RBFOX1: variants seen among roughly 807,000 people sequenced by gnomAD.
The protein encoded by RBFOX1 is RNA binding protein fox-1 homolog 1.
In RBFOX1, 8 loss-of-function variants were observed where a neutral mutation model predicts 57.7. The observed-to-expected ratio is 0.14, with a 90% CI of 0.08 to 0.25. The LOEUF is 0.25. Ranked by LOEUF, RBFOX1 falls within the 10% of genes least tolerant of loss-of-function variation. RBFOX1 has a pLI of 1.00. For missense variants in RBFOX1, 611 were observed against 548.5 expected (o/e 1.11, Z -1.14); for synonymous variants, 326 against 222.4 (o/e 1.47, Z -4.15).
chr16:6,709,699 A>G (rs1268014601), intron 3 of RBFOX1, among the ~76,000 whole-genome samples: 2 of 152,108 alleles, frequency 1.3e-5, no homozygotes, highest in East Asian at 1.9e-4. Context: ...TATTGTAATT[A>G]CAGTGTTGCG....
intron 3 of RBFOX1, among the ~76,000 whole-genome samples, chr16:7,031,494 G>A (rs1345084057): frequency 2.6e-5 from 4 of 151,988 alleles, no homozygotes; most frequent in Non-Finnish European, 5.9e-5. Context: ...TACTTGGGAG[G>A]CTGAGGCAGG....
rs2060121360 is a variant in RBFOX1 at position 5,978,888 on chromosome 16, C to G, written c.351+111553C>G. On this transcript the variant is annotated intron_variant, in intron 4 of 19. Coordinates refer to the RBFOX1 transcript ENST00000641259. Reference sequence around the variant, plus strand: ...CCCCAATACTGTTCATCACGGTGCCCACTTTGGTGGGCTGAGGGGGTGGCT... The same window carrying G: ...CCCCAATACTGTTCATCACGGTGCCGACTTTGGTGGGCTGAGGGGGTGGCT... 2.0e-5 allele frequency among the ~76,000 whole-genome samples: 3 copies of G among 152,256 alleles called. No homozygotes were observed. In the South Asian group the frequency reaches 6.2e-4, roughly 32 times the overall value.
chr16:7,343,930 G>T (rs1244039589), intron 4 of RBFOX1, among the ~76,000 whole-genome samples: 4 of 152,046 alleles, frequency 2.6e-5, no homozygotes, highest in Non-Finnish European at 5.9e-5. Context: ...CTCAATAAAT[G>T]TATTTACAAG....
chr16:5,379,537 G>A (rs1465870178), intron 1 of RBFOX1, among the ~76,000 whole-genome samples: 1 of 152,186 alleles, frequency 6.6e-6, no homozygotes, highest in African/African-American at 2.4e-5. Flanking sequence ...AGAAAGCACA[G>A]TAGCCTGGGA....
intron 4 of RBFOX1, among the ~76,000 whole-genome samples, chr16:7,250,239 A>G (rs1319299629): frequency 6.6e-6 from 1 of 152,200 alleles, no homozygotes; most frequent in Admixed American, 6.5e-5. Context: ...CTTAGTAGAC[A>G]TTTGTGGATT....
At chr16:6,654,443 A>G (rs533110618) in intron 2 of RBFOX1, among the ~76,000 whole-genome samples, 160 bp from the exon 3 acceptor site, 76 of 152,300 alleles carry the variant, frequency 5.0e-4, no homozygotes, top group South Asian at 1.5e-3. Context: ...ATGTACCTTT[A>G]AAAAGCACTA....
intron 3 of RBFOX1, among the ~76,000 whole-genome samples, chr16:6,898,668 C>G (rs542989871): frequency 6.6e-6 from 1 of 151,956 alleles, no homozygotes. Flanking sequence ...CTCTGAGTTT[C>G]TGTGTGTGTA....
upstream of RBFOX1, among the ~76,000 whole-genome samples, chr16:6,018,612 C>T (rs1454145744): frequency 6.6e-6 from 1 of 152,130 alleles, no homozygotes; most frequent in Non-Finnish European, 1.5e-5. Flanking sequence ...TCCCATCCAG[C>T]CTGGAGAACT....
intron 3 of RBFOX1, among the ~76,000 whole-genome samples, chr16:5,666,236 G>T (rs1366770339): frequency 1.3e-5 from 2 of 152,218 alleles, no homozygotes; most frequent in Non-Finnish European, 2.9e-5. Context: ...ATCTGGTCCA[G>T]TTCCCAGTGT....
At chr16:5,509,608 T>G (rs2043507625) in intron 2 of RBFOX1, among the ~76,000 whole-genome samples, 1 of 152,204 alleles carries the variant, frequency 6.6e-6, no homozygotes, top group Non-Finnish European at 1.5e-5. Flanking sequence ...GAGGGGCCCT[T>G]GCAAATTCTC....
intron 3 of RBFOX1, among the ~76,000 whole-genome samples, chr16:6,680,884 A>G (rs2058549458): frequency 6.6e-6 from 1 of 152,250 alleles, no homozygotes; most frequent in South Asian, 2.1e-4. Flanking sequence ...CATGGTGAGC[A>G]TAGAATTGAA....
chr16:6,914,013 G>A (rs530732283), intron 3 of RBFOX1, among the ~76,000 whole-genome samples: 5 of 152,280 alleles, frequency 3.3e-5, no homozygotes, highest in East Asian at 1.9e-4. Flanking sequence ...TCTACTTGAC[G>A]TAGCCAGAAA....
chr16:6,227,203 C>G (rs2097424746), intron 1 of RBFOX1, among the ~76,000 whole-genome samples: 1 of 152,112 alleles, frequency 6.6e-6, no homozygotes, highest in African/African-American at 2.4e-5. Context: ...TACCCTGGCC[C>G]TCCTCAGAGG....
intron 4 of RBFOX1, among the ~76,000 whole-genome samples, chr16:5,939,641 A>G (rs1410820384): frequency 1.3e-5 from 2 of 152,078 alleles, no homozygotes; most frequent in South Asian, 4.1e-4. Flanking sequence ...TCCATATTCT[A>G]TTTATTAGAG....
chr16:6,818,977 C>T (rs777214222), intron 3 of RBFOX1, among the ~76,000 whole-genome samples: 5 of 127,794 alleles, frequency 3.9e-5, no homozygotes, highest in Admixed American at 3.4e-4. Context: ...TTGAAAGGCA[C>T]CTGTCTGAGA....
intron 1 of RBFOX1, among the ~76,000 whole-genome samples, chr16:5,313,882 G>C (rs1235042213): frequency 2.0e-5 from 3 of 152,100 alleles, no homozygotes; most frequent in Non-Finnish European, 4.4e-5. Context: ...ACTTATGGGT[G>C]GGCTTTGGAG....
At chr16:6,907,161 C>G (rs1596811276) in intron 3 of RBFOX1, among the ~76,000 whole-genome samples, 1 of 152,292 alleles carries the variant, frequency 6.6e-6, no homozygotes, top group South Asian at 2.1e-4. Context: ...TGTTTTACAA[C>G]TTGGCAGGGG....
chr16:7,104,540 C>T (rs75008820), intron 4 of RBFOX1, among the ~76,000 whole-genome samples: 27,405 of 152,010 alleles, frequency 0.18, 2,806 homozygotes, highest in East Asian at 0.4. Context: ...CCTAAGATTA[C>T]GCAAATAATT....
chr16:6,825,710 G>A (rs1750901102), intron 3 of RBFOX1, among the ~76,000 whole-genome samples: 1 of 152,144 alleles, frequency 6.6e-6, no homozygotes, highest in South Asian at 2.1e-4. Flanking sequence ...AGCAGATGAA[G>A]AGGAAAGGGA....
Sources: gnomAD v4.1 joint callset for allele counts (sites outside exome capture counted in the v4.1 genomes callset) on GRCh38, gnomAD v4.1.1 for gene constraint, MANE v1.5 for transcripts, NCBI Gene and HGNC (gene_info 2026-07-23, HGNC 2026-07-21) for gene names.